The following NUP50 variants were observed in gnomAD, a reference collection of about 807,000 sequenced individuals.
NUP50 encodes nuclear pore complex protein Nup50.
Under a neutral mutation model 36.8 loss-of-function variants are expected in NUP50, and 14 were observed. The observed-to-expected ratio is 0.38, with a 90% CI of 0.25 to 0.59. NUP50 has a LOEUF of 0.59. Among genes scored for constraint, NUP50 ranks in the 20% least tolerant of loss-of-function variants. The probability of loss-of-function intolerance (pLI) is 0.63; values close to 1 mark genes in which losing one functional copy is unlikely to be tolerated. For synonymous variants in NUP50, 195 were observed against 210.8 expected (o/e 0.93, Z 0.65); for missense variants, 455 against 564.6 (o/e 0.81, Z 1.97).
intron 6 of NUP50, among the ~76,000 whole-genome samples, chr22:45,182,347 A>T (rs1408703649): frequency 2.0e-5 from 3 of 152,108 alleles, no homozygotes; most frequent in Non-Finnish European, 4.4e-5. Flanking sequence ...AGGCTGAGGC[A>T]TGAGAATTGC....
chr22:45,165,340 A>AT (rs1298111218), intron 1 of NUP50, among the ~76,000 whole-genome samples: 1 of 152,176 alleles, frequency 6.6e-6, no homozygotes, highest in African/African-American at 2.4e-5. Context: ...GGCTCAAGTG[A>AT]TTCTCCTGCC....
At chr22:45,173,153 A>G (rs1035033470) in intron 3 of NUP50, among the ~76,000 whole-genome samples, 12 of 152,256 alleles carry the variant, frequency 7.9e-5, no homozygotes, top group African/African-American at 2.7e-4. Flanking sequence ...CAGAGGAAGC[A>G]TATCTCAGAT....
In NUP50 at chr22:45,178,315, C is replaced by T; in HGVS notation, c.418C>T (p.Pro140Ser). ...CAAAACTAATGGGGACAGTCAGCAG[C>T]CCTCCTCCTCTGGCCTTGCTTCCAG... ...NPKTNGDSQQ[P>S]SSSGLASSKA... Residue 140 changes from proline to serine, a missense_variant, in exon 5 of 8, where the codon CCC becomes TCC. Pro to Ser is a moderately conservative substitution (Grantham distance 74). Around this residue, in one of 3 missense-constraint regions of NUP50, gnomAD observed 166 missense variants for 202.8 expected, o/e 0.82. Coordinates refer to ENST00000347635, the MANE Select transcript of NUP50 (RefSeq NM_007172.4). 1 of 1,614,010 alleles carries T rather than the reference C, an allele frequency of 6.2e-7. No individual in the cohort carries two copies. Among genetic ancestry groups the T allele is most frequent in the Non-Finnish European group, 8.5e-7 (1 of 1,179,864 alleles).
rs932897703 is a variant in NUP50 at position 45,174,640 on chromosome 22, C to T, written c.154-1254C>T. Among the ~76,000 whole-genome samples, 23 of 151,892 alleles carry T rather than the reference C, an allele frequency of 1.5e-4. 1 individual carries two copies. Among genetic ancestry groups the T allele is most frequent in the Admixed American group, 9.2e-4 (14 of 15,250 alleles). The stretch of plus-strand genomic sequence containing the variant: ...TTTTAACTTTGTGCAAAATCGGAGG[C>T]TCTGAAAAGCCACTTAATGGCTTTA... On this transcript the variant is annotated intron_variant, in intron 3 of 7. Coordinates refer to ENST00000347635, the MANE Select transcript of NUP50 (RefSeq NM_007172.4).
intron 5 of NUP50, 79 bp downstream of exon 5, chr22:45,178,979 AAT>A (rs2074323659): frequency 7.4e-7 from 1 of 1,355,800 alleles, no homozygotes; most frequent in Non-Finnish European, 1.0e-6. Context: ...TTTGATTCCA[AAT>A]ATGAGTCTGG....
At chr22:45,165,539 G>T (rs947927453) in intron 1 of NUP50, among the ~76,000 whole-genome samples, 1 of 152,148 alleles carries the variant, frequency 6.6e-6, no homozygotes, top group Non-Finnish European at 1.5e-5. Flanking sequence ...AAGACTCCAG[G>T]TGCCAGGCCT....
intron 1 of NUP50, among the ~76,000 whole-genome samples, chr22:45,167,086 A>G (rs1308641081): frequency 1.3e-5 from 2 of 152,168 alleles, no homozygotes; most frequent in South Asian, 4.1e-4. Flanking sequence ...TGGGGTTGTA[A>G]TACACTCTGT....
chr22:45,169,400 A>G (rs1209368377), intron 2 of NUP50, among the ~76,000 whole-genome samples: 1 of 152,188 alleles, frequency 6.6e-6, no homozygotes, highest in African/African-American at 2.4e-5. Context: ...AGCTGTACTT[A>G]TAGGATGTGG....
chr22:45,167,799 A>G (rs930418382), intron 1 of NUP50, among the ~76,000 whole-genome samples: 1 of 152,230 alleles, frequency 6.6e-6, no homozygotes, highest in African/African-American at 2.4e-5. Context: ...TTCAGTATGT[A>G]TATGCGTAGA....
chr22:45,171,785 T>A, intron 3 of NUP50, 102 bp downstream of exon 3: 1 of 918,798 alleles, frequency 1.1e-6, no homozygotes, highest in Non-Finnish European at 1.7e-6. Flanking sequence ...AATGCTTTCT[T>A]AAAATACTTA....
chr22:45,166,949 C>G (rs2074104132), intron 1 of NUP50, among the ~76,000 whole-genome samples: 1 of 152,094 alleles, frequency 6.6e-6, no homozygotes, highest in African/African-American at 2.4e-5. Context: ...GTATTAAAAG[C>G]TGACAGCCCG....
chr22:45,178,951 C>G (rs1375279629), intron 5 of NUP50, 51 bp downstream of exon 5: 2 of 1,522,908 alleles, frequency 1.3e-6, no homozygotes, highest in African/African-American at 2.8e-5. Context: ...ATTCTTGTTT[C>G]TTGGGAAACC....
chr22:45,185,336 T>C lies in NUP50; in HGVS notation c.*681T>C, dbSNP rs986623932. 6.5e-6 allele frequency: 1 copy of C among 152,954 alleles called. No homozygotes were observed. The highest frequency in any genetic ancestry group is 1.5e-5 in the Non-Finnish European group (1 of 68,350). 9.5% of individuals were successfully genotyped at this position (152,954 alleles called of 1,614,324 possible). On this transcript the variant is annotated 3_prime_UTR_variant, in exon 8 of 8. Transcript: ENST00000347635. ...TTTTTGGCTTCATAGTTTCTATTCA[T>C]GAGGTAGTGTTACTTCTTTATCCCC...
chr22:45,184,242 G>A (rs958611253), intron 7 of NUP50: 1 of 577,896 alleles, frequency 1.7e-6, no homozygotes, highest in Non-Finnish European at 3.1e-6. Flanking sequence ...GGGCTGGAGG[G>A]AGGACGGAAG....
At chr22:45,170,057 ACGT>A (rs2074161850) in intron 2 of NUP50, among the ~76,000 whole-genome samples, 1 of 152,190 alleles carries the variant, frequency 6.6e-6, no homozygotes. Flanking sequence ...GAAAATGCTG[ACGT>A]ACGCCGCCTT....
chr22:45,185,676 AC>A lies in NUP50; in HGVS notation c.*1022del, dbSNP rs1255528126. ...ACTTTAGACCGCAGTATATTATAAT[AC>A]ATTTGATATCTGAAATATCTTTACT... On this transcript the variant is annotated 3_prime_UTR_variant, in exon 8 of 8. Coordinates refer to ENST00000347635, the MANE Select transcript of NUP50 (RefSeq NM_007172.4). 6.6e-6 allele frequency: 1 copy of A among 152,216 alleles called. No homozygotes were observed. Among genetic ancestry groups the A allele is most frequent in the Non-Finnish European group, 1.5e-5 (1 of 68,034 alleles). The allele number at this position is 152,216 out of a possible 1,614,324, so 9.4% of individuals were successfully genotyped here. A position where few individuals can be genotyped will look rare whatever the true frequency, so the allele number is the denominator to read the frequency against.
chr22:45,171,897 A>G (rs1035633368), intron 3 of NUP50: 2 of 469,578 alleles, frequency 4.3e-6, no homozygotes, highest in Non-Finnish European at 7.8e-6. Flanking sequence ...AATATAGACA[A>G]ATTCAAGTTG....
intron 5 of NUP50, among the ~76,000 whole-genome samples, chr22:45,180,485 C>T (rs1212466755): frequency 6.6e-6 from 1 of 152,146 alleles, no homozygotes; most frequent in East Asian, 1.9e-4. Context: ...GCAATCCTCC[C>T]ACTTCAGTCT....
In NUP50 at chr22:45,181,135, TCCCCC is replaced by T. The variant is rs59393346; in HGVS notation, c.1004-141_1004-137del. 44 of 109,426 alleles carry T rather than the reference TCCCCC, an allele frequency of 4.0e-4. 5 individuals carry two copies. Among genetic ancestry groups the T allele is most frequent in the African/African-American group, 1.4e-3 (27 of 19,956 alleles). The allele number at this position is 109,426 out of a possible 1,614,324, so 6.8% of individuals were successfully genotyped here. ...ATCCTGCAGGTACTCCCTTCTGGCA[TCCCCC>T]CCCCCCCCCATTAAGTGTGCATTTT... On this transcript the variant is annotated intron_variant, in intron 5 of 7. Transcript: ENST00000347635.
Sources: allele counts gnomAD v4.1 joint callset (sites outside exome capture counted in the v4.1 genomes callset), GRCh38; gene constraint gnomAD v4.1.1; regional missense constraint gnomAD v4.1.1; transcripts MANE v1.5; gene names NCBI Gene and HGNC (gene_info 2026-07-23, HGNC 2026-07-21).